The following UCHL3 variants were observed in gnomAD, a reference collection of about 807,000 sequenced individuals.
UCHL3 encodes the protein ubiquitin C-terminal hydrolase L3, also known as ubiquitin carboxyl-terminal hydrolase isozyme L3.
UCHL3 carries 22 observed loss-of-function variants against 35.8 expected under a neutral mutation model. The ratio of observed to expected loss-of-function variants is 0.61; its 90% CI spans 0.44 to 0.88. The LOEUF (loss-of-function observed/expected upper bound fraction) is 0.88, where lower values mean the gene tolerates loss of function less well. Ranked by LOEUF, UCHL3 falls within the 40% of genes least tolerant of loss-of-function variation. The pLI, the probability that UCHL3 is intolerant of heterozygous loss-of-function variation, is 0.00. For missense variants in UCHL3, 229 were observed against 276.9 expected, an observed-to-expected ratio of 0.83 and a Z score of 1.23; for synonymous variants, 90 against 92.8, an observed-to-expected ratio of 0.97 and a Z score of 0.17.
chr13:75,579,405 T>G (rs992801982), intron 6 of UCHL3, among the ~76,000 whole-genome samples: 14 of 152,058 alleles, frequency 9.2e-5, no homozygotes, highest in African/African-American at 3.4e-4. Context: ...GGAGGCGATT[T>G]TATTTTATTT....
Position 75,566,762 on chromosome 13 carries a change from T to A in UCHL3, c.251T>A (p.Val84Glu). 1.2e-6 allele frequency: 2 copies of A among 1,611,762 alleles called. No individual in the cohort carries two copies. The highest frequency in any genetic ancestry group is 1.7e-6 in the Non-Finnish European group (2 of 1,179,002). Residue 84 changes from valine (V) to glutamate (E), a missense_variant, in exon 4 of 9, where the codon GTA becomes GAA. Val to Glu is a moderately radical substitution (Grantham distance 121). Transcript: ENST00000377595. ...KSQGQDVTSS[V>E]YFMKQTISNA... Reference sequence around the variant, plus strand: ...CAGGGACAAGATGTTACATCATCAGTATATTTCATGAAGCAAACAATCAGC... The same window carrying A: ...CAGGGACAAGATGTTACATCATCAGAATATTTCATGAAGCAAACAATCAGC...
intron 6 of UCHL3, among the ~76,000 whole-genome samples, chr13:75,592,609 A>C (rs1367647286): frequency 6.7e-6 from 1 of 150,162 alleles, no homozygotes; most frequent in Non-Finnish European, 1.5e-5. Context: ...ACTTTTAAGC[A>C]ATTAAATAAT....
intron 2 of UCHL3, among the ~76,000 whole-genome samples, chr13:75,559,299 C>T (rs1326180487): frequency 6.6e-6 from 1 of 152,076 alleles, no homozygotes; most frequent in Non-Finnish European, 1.5e-5. Context: ...CTCGGCCTCC[C>T]AGAGTGCTGG....
intron 2 of UCHL3, among the ~76,000 whole-genome samples, chr13:75,551,430 C>T (rs80015606): frequency 4.6e-5 from 4 of 86,152 alleles, no homozygotes; most frequent in African/African-American, 1.7e-4. Flanking sequence ...GACTCTGTCT[C>T]AAAAAAAAAA....
chr13:75,557,672 AT>A (rs1480388633), intron 2 of UCHL3, among the ~76,000 whole-genome samples: 1 of 152,150 alleles, frequency 6.6e-6, no homozygotes, highest in African/African-American at 2.4e-5. Context: ...CTGGAAAAAT[AT>A]TTTTGGTATA....
intron 7 of UCHL3, 86 bp from the exon 8 acceptor site, chr13:75,604,683 C>T (rs1316437348): frequency 1.6e-5 from 17 of 1,091,768 alleles, no homozygotes; most frequent in Non-Finnish European, 2.1e-5. Flanking sequence ...TTTCTTGCCT[C>T]ACTGGGGGAA....
chr13:75,564,399 C>T (rs1484703742), intron 3 of UCHL3, among the ~76,000 whole-genome samples: 1 of 152,064 alleles, frequency 6.6e-6, no homozygotes, highest in Non-Finnish European at 1.5e-5. Flanking sequence ...ATCCACCCGC[C>T]TTGGCCTCCC....
chr13:75,592,807 G>A (rs2032547740), intron 6 of UCHL3, among the ~76,000 whole-genome samples: 1 of 151,988 alleles, frequency 6.6e-6, no homozygotes, highest in African/African-American at 2.4e-5. Context: ...AAGGTGCAAC[G>A]ATGCACAATT....
chr13:75,561,909 ATATATG>A (rs2031529926), intron 3 of UCHL3, among the ~76,000 whole-genome samples: 1 of 151,900 alleles, frequency 6.6e-6, no homozygotes, highest in African/African-American at 2.4e-5. Context: ...ACATGCACAT[ATATATG>A]TATAGTGGAG....
chr13:75,575,905 C>A (rs2032006200), intron 6 of UCHL3, among the ~76,000 whole-genome samples: 1 of 152,010 alleles, frequency 6.6e-6, no homozygotes, highest in Non-Finnish European at 1.5e-5. Flanking sequence ...GTGTGTGCCA[C>A]CACACCCAGC....
chr13:75,598,186 T>G (rs1000938111), intron 7 of UCHL3, among the ~76,000 whole-genome samples: 7 of 152,192 alleles, frequency 4.6e-5, no homozygotes, highest in Non-Finnish European at 7.4e-5. Context: ...GTTACAGAAA[T>G]AGTATACAGA....
In UCHL3 at chr13:75,560,809, G is replaced by A. The variant is rs745434848; in HGVS notation, c.111G>A (p.Met37Ile). 4.4e-6 allele frequency: 7 copies of A among 1,596,144 alleles called. No homozygotes were observed. In the Admixed American group the frequency reaches 8.9e-5, roughly 20 times the overall value. Residue 37 changes from methionine to isoleucine, a missense_variant, in exon 3 of 9, where the codon ATG becomes ATA. By Grantham distance (10) the Met-to-Ile change is conservative. Transcript: ENST00000377595. ...GGCAATTCGTTGATGTATATGGAATGGATCCTGAACTCCTTAGCATGGTAC... is the reference window on the plus strand; with the variant it reads ...GGCAATTCGTTGATGTATATGGAATAGATCCTGAACTCCTTAGCATGGTAC... ...PNWQFVDVYG[M>I]DPELLSMVPR...
At chr13:75,586,988 C>A (rs1593753230) in intron 6 of UCHL3, among the ~76,000 whole-genome samples, 6 of 105,630 alleles carry the variant, frequency 5.7e-5, no homozygotes, top group South Asian at 3.0e-4. Context: ...GGCTTCAAGT[C>A]AGAGATCTAA....
At chr13:75,591,495 T>C (rs1383572037) in intron 6 of UCHL3, among the ~76,000 whole-genome samples, 1 of 152,202 alleles carries the variant, frequency 6.6e-6, no homozygotes, top group Non-Finnish European at 1.5e-5. Context: ...CTAATGTGAA[T>C]TATTTCTTTT....
intron 7 of UCHL3, among the ~76,000 whole-genome samples, chr13:75,602,553 G>A (rs1343274628): frequency 2.6e-5 from 4 of 152,146 alleles, no homozygotes; most frequent in African/African-American, 7.2e-5. Context: ...CATCTGCAGC[G>A]TATGCATTTA....
chr13:75,593,931 G>A (rs1346949791), intron 6 of UCHL3, among the ~76,000 whole-genome samples: 1 of 152,122 alleles, frequency 6.6e-6, no homozygotes, highest in East Asian at 1.9e-4. Context: ...ATCTGTTACT[G>A]AAAGGATATT....
intron 2 of UCHL3, among the ~76,000 whole-genome samples, chr13:75,558,895 G>T (rs2031383715): frequency 6.6e-6 from 1 of 152,160 alleles, no homozygotes; most frequent in African/African-American, 2.4e-5. Context: ...TACTGAAAAA[G>T]CATAGACTAG....
At chr13:75,559,437 C>T (rs962422014) in intron 2 of UCHL3, among the ~76,000 whole-genome samples, 1 of 152,098 alleles carries the variant, frequency 6.6e-6, no homozygotes, top group Non-Finnish European at 1.5e-5. Flanking sequence ...TAAATCACTA[C>T]GTTTCTTATT....
At chr13:75,593,208 T>C (rs2032558149) in intron 6 of UCHL3, among the ~76,000 whole-genome samples, 4 of 152,176 alleles carry the variant, frequency 2.6e-5, no homozygotes. Context: ...CTTTCCTAGG[T>C]GAATGAATAA....
Sources: gnomAD v4.1 joint callset for allele counts (sites outside exome capture counted in the v4.1 genomes callset) on GRCh38, gnomAD v4.1.1 for gene constraint, MANE v1.5 for transcripts, NCBI Gene and HGNC (gene_info 2026-07-23, HGNC 2026-07-21) for gene names.